PCDHGA6: variants seen among roughly 807,000 people sequenced by gnomAD.
PCDHGA6 encodes protocadherin gamma subfamily A, 6, also known as protocadherin gamma-A6.
PCDHGA6 carries 41 observed loss-of-function variants against 60.6 expected under a neutral mutation model. The ratio of observed to expected loss-of-function variants is 0.68; its 90% CI spans 0.53 to 0.88. The LOEUF (loss-of-function observed/expected upper bound fraction) is 0.88. Among genes scored for constraint, PCDHGA6 ranks in the 40% least tolerant of loss-of-function variants. The pLI is 0.00. For synonymous variants in PCDHGA6, 594 were observed against 524.4 expected, an observed-to-expected ratio of 1.13 and a Z score of -1.81; for missense variants, 1,312 against 1,203.0, an observed-to-expected ratio of 1.09 and a Z score of -1.34.
chr5:141,407,651 G>A (rs1005294855), intron 1 of PCDHGA6, among the ~76,000 whole-genome samples: 1 of 151,926 alleles, frequency 6.6e-6, no homozygotes, highest in African/African-American at 2.4e-5. Flanking sequence ...AATAATGGGG[G>A]AGCGCAGTAT....
chr5:141,427,109 C>A lies in PCDHGA6; in HGVS notation c.2424+50602C>A, dbSNP rs141512367. On this transcript the variant is annotated intron_variant, in intron 1 of 3. Coordinates refer to ENST00000517434, the MANE Select transcript of PCDHGA6 (RefSeq NM_018919.3). ...AGGATGAGGGTGTCAATGCGGAGAT[C>A]ACCTACTCTTTCAAATCCCTACGAG... 1,737 of 457,784 alleles carry A rather than the reference C, an allele frequency of 3.8e-3. 17 individuals carry two copies. Among genetic ancestry groups the A allele is most frequent in the Admixed American group, 0.01 (426 of 42,600 alleles). 28.4% of individuals were successfully genotyped at this position (457,784 alleles called of 1,614,324 possible). A position where few individuals can be genotyped will look rare whatever the true frequency, so the allele number is the denominator to read the frequency against.
chr5:141,444,008 A>G (rs2098413646), intron 1 of PCDHGA6, among the ~76,000 whole-genome samples: 2 of 152,140 alleles, frequency 1.3e-5, no homozygotes, highest in Non-Finnish European at 2.9e-5. Context: ...CTACCTGGGT[A>G]TTGGCTTCTA....
rs201378410 is a variant in PCDHGA6, at chr5:141,414,802, G to T, written c.2424+38295G>T. Reference sequence around the variant, plus strand: ...GCAGGTGACAGCCAGCGACAGCGGGGATCCTCCACTCAGCAGCAACGTGTC... The same window carrying T: ...GCAGGTGACAGCCAGCGACAGCGGGTATCCTCCACTCAGCAGCAACGTGTC... On this transcript the variant is annotated intron_variant, in intron 1 of 3. Coordinates refer to ENST00000517434, the MANE Select transcript of PCDHGA6 (RefSeq NM_018919.3). The T allele has an allele frequency of 4.3e-6, 7 of 1,614,226 alleles. No homozygotes were observed. The African/African-American group carries it at 8.0e-5, about 18-fold the overall frequency.
Position 141,491,842 on chromosome 5 carries a change from T to C in PCDHGA6, c.2425-2965T>C, listed in dbSNP as rs551615550. The C allele has an allele frequency of 7.5e-6, 11 of 1,464,162 alleles. No homozygotes were observed. In the South Asian group the frequency reaches 1.3e-4, roughly 17 times the overall value. 90.7% of individuals were successfully genotyped at this position (1,464,162 alleles called of 1,614,324 possible). ...GCGCTCCACCCGATTCTCGGGATCA[T>C]TGGACCGTTTGCGCGAAACCAGAGT... On this transcript the variant is annotated intron_variant, in intron 1 of 3. Transcript: ENST00000517434. The surrounding 1 kb of genome is among the most constrained non-coding windows in gnomAD (Gnocchi z 6.9).
intron 1 of PCDHGA6, chr5:141,398,793 A>G (rs376843278): frequency 2.5e-5 from 41 of 1,613,830 alleles, no homozygotes; most frequent in South Asian, 1.1e-5. Flanking sequence ...ATCCACCCCT[A>G]AGCGGCACCA....
rs1362252002 is a variant in PCDHGA6, at chr5:141,486,112, G to C, written c.2425-8695G>C. ...TGGGGCCCCTAGACTTTGAGAGTGA[G>C]AATTACTATGAATTTGATGTGCGGG... On this transcript the variant is annotated intron_variant, in intron 1 of 3. Coordinates refer to ENST00000517434, the MANE Select transcript of PCDHGA6 (RefSeq NM_018919.3). The surrounding 1 kb of genome is among the most constrained non-coding windows in gnomAD (Gnocchi z 5.0). 6 of 1,614,166 alleles carry C rather than the reference G, an allele frequency of 3.7e-6. No individual in the cohort carries two copies. The highest frequency in any genetic ancestry group is 1.7e-6 in the Non-Finnish European group (2 of 1,180,024).
chr5:141,375,869 A>G lies in PCDHGA6; in HGVS notation c.1786A>G (p.Arg596Gly), dbSNP rs767048735. 2 of 1,613,850 alleles carry G rather than the reference A, an allele frequency of 1.2e-6. No individual in the cohort carries two copies. The highest frequency in any genetic ancestry group is 1.7e-5 in the Admixed American group (1 of 60,028). ...GGTGACCAAGGTGGTGGCGGTGGAC[A>G]GAGACTCGGGCCAGAACGCCTGGCT... The part of the protein sequence containing the change: ...YLVTKVVAVD[R>G]DSGQNAWLSY... The change falls in exon 1 of 4, where the codon AGA (arginine) becomes GGA (glycine). Residue 596 changes from arginine to glycine, a missense_variant. Transcript: ENST00000517434.
At chr5:141,465,826 T>A (rs1402342209) in intron 1 of PCDHGA6, among the ~76,000 whole-genome samples, 1 of 151,994 alleles carries the variant, frequency 6.6e-6, no homozygotes, top group Non-Finnish European at 1.5e-5. Context: ...CACATTTGTT[T>A]AAAATTTCAA....
At chr5:141,497,541 T>C (rs1157403777) in intron 2 of PCDHGA6, among the ~76,000 whole-genome samples, 9 of 89,564 alleles carry the variant, frequency 1.0e-4, no homozygotes, top group Non-Finnish European at 2.1e-4. Context: ...GCAACAAACC[T>C]TTTTTTTTTT....
intron 1 of PCDHGA6, chr5:141,475,816 C>A (rs1051857446): frequency 1.5e-5 from 5 of 342,872 alleles, no homozygotes; most frequent in Admixed American, 9.0e-5. Context: ...AGTGAAGTTC[C>A]TGGCGCTAGC....
chr5:141,414,965 C>T lies in PCDHGA6; in HGVS notation c.2424+38458C>T, dbSNP rs564450666. On this transcript the variant is annotated intron_variant, in intron 1 of 3. Coordinates refer to ENST00000517434, the MANE Select transcript of PCDHGA6 (RefSeq NM_018919.3). ...GGCTACCTGGTGACCAAGGTGGTGG[C>T]GGTGGACAGAGACTCCGGCCAGAAC... The T allele has an allele frequency of 7.9e-5, 127 of 1,613,962 alleles. No homozygotes were observed. The highest frequency in any genetic ancestry group is 7.7e-5 in the Non-Finnish European group (91 of 1,180,046).
At position 141,432,880 on chromosome 5, in the gene PCDHGA6, C is replaced by A. The variant is rs865848752; in HGVS notation, c.2424+56373C>A. 3 of 1,614,194 alleles carry A rather than the reference C, an allele frequency of 1.9e-6. No homozygotes were observed. The highest frequency in any genetic ancestry group is 2.5e-6 in the Non-Finnish European group (3 of 1,180,008). ...CGGTCTCCTGCGTCTTCCTGGCCTT[C>A]GTCATCTTGCTGCTGGCGCTCAGGC... On this transcript the variant is annotated intron_variant, in intron 1 of 3. Coordinates refer to ENST00000517434, the MANE Select transcript of PCDHGA6 (RefSeq NM_018919.3). The surrounding 1 kb of genome is among the most constrained non-coding windows in gnomAD (Gnocchi z 6.0).
At chr5:141,383,707 G>A in intron 1 of PCDHGA6, 3 of 1,613,998 alleles carry the variant, frequency 1.9e-6, no homozygotes, top group Non-Finnish European at 2.5e-6. Context: ...TATCGACCTG[G>A]ACGAGGGAGT....
chr5:141,467,284 C>T (rs2099140788), intron 1 of PCDHGA6, among the ~76,000 whole-genome samples: 1 of 152,080 alleles, frequency 6.6e-6, no homozygotes, highest in Non-Finnish European at 1.5e-5. Context: ...AACTCTTGAC[C>T]TCAAGTGATC....
rs183549806 is a variant in PCDHGA6 at position 141,487,760 on chromosome 5, G to A, written c.2425-7047G>A. ...TGTAAGAGGTAACTATGTGGTAGAC[G>A]CTGTGCTTTGTAACTGTTTCGTGAA... On this transcript the variant is annotated intron_variant, in intron 1 of 3. Transcript: ENST00000517434. The surrounding 1 kb of genome is among the most constrained non-coding windows in gnomAD (Gnocchi z 5.0). 42 of 1,545,950 alleles carry A rather than the reference G, an allele frequency of 2.7e-5. No homozygotes were observed. The African/African-American group carries it at 3.8e-4, about 14-fold the overall frequency.
chr5:141,430,477 A>G (rs1329218924), intron 1 of PCDHGA6: 1 of 244,524 alleles, frequency 4.1e-6, no homozygotes, highest in Non-Finnish European at 7.7e-6. Context: ...TATTTAAGAT[A>G]TAAAAACGAA....
rs776854254 is a variant in PCDHGA6 at position 141,487,285 on chromosome 5, C to T, written c.2425-7522C>T. On this transcript the variant is annotated intron_variant, in intron 1 of 3. Coordinates refer to ENST00000517434, the MANE Select transcript of PCDHGA6 (RefSeq NM_018919.3). This position sits in a 1 kb window ranked among gnomAD's most constrained non-coding sequence, Gnocchi z 5.0. The stretch of plus-strand genomic sequence containing the variant: ...CCCTAGTGGCAATTTGCTTTGTCTC[C>T]TTTGGCTCATTCGTGGCACTACTCT... 8 of 1,614,148 alleles carry T rather than the reference C, an allele frequency of 5.0e-6. No homozygotes were observed. The highest frequency in any genetic ancestry group is 6.8e-6 in the Non-Finnish European group (8 of 1,180,036).
At chr5:141,505,282 G>C (rs73280377) in intron 2 of PCDHGA6, 111 bp from the exon 3 acceptor site, 37,017 of 1,544,812 alleles carry the variant, frequency 0.024, 1,115 homozygotes, top group African/African-American at 0.15. Context: ...AACAGGTCTT[G>C]GGCATGGGGT....
intron 1 of PCDHGA6, chr5:141,419,776 C>T (rs965350189): frequency 1.2e-6 from 2 of 1,614,026 alleles, no homozygotes; most frequent in Admixed American, 1.7e-5. Context: ...ACTCGGTCCG[C>T]CAGCGCCTGC....
Sources: allele counts gnomAD v4.1 joint callset (sites outside exome capture counted in the v4.1 genomes callset), GRCh38; gene constraint gnomAD v4.1.1; non-coding constraint Gnocchi (gnomAD v3.1); transcripts MANE v1.5; gene names NCBI Gene and HGNC (gene_info 2026-07-23, HGNC 2026-07-21).